The following FBXO42 variants were observed in gnomAD, a reference collection of about 807,000 sequenced individuals.
FBXO42 encodes F-box protein 42, also known as F-box only protein 42.
Under a neutral mutation model 71.7 loss-of-function variants are expected in FBXO42, and 12 were observed. That is an observed-to-expected ratio of 0.17 (90% CI 0.11 to 0.27). The LOEUF (loss-of-function observed/expected upper bound fraction) is 0.27, where lower values mean the gene tolerates loss of function less well. FBXO42 is among the 10% of genes least tolerant of loss of function. The pLI, the probability that FBXO42 is intolerant of heterozygous loss-of-function variation, is 1.00. For missense variants in FBXO42, 707 were observed against 911.9 expected, an observed-to-expected ratio of 0.78 and a Z score of 2.89; for synonymous variants, 325 against 327.5, an observed-to-expected ratio of 0.99 and a Z score of 0.08.
chr1:16,338,269 A>G (rs898896624), intron 1 of FBXO42, among the ~76,000 whole-genome samples: 4 of 150,522 alleles, frequency 2.7e-5, no homozygotes, highest in Non-Finnish European at 5.9e-5. Context: ...TCAAAAAAAA[A>G]GAGGGAGGAT....
chr1:16,340,525 G>C (rs2082592864), intron 1 of FBXO42, among the ~76,000 whole-genome samples: 1 of 151,946 alleles, frequency 6.6e-6, no homozygotes, highest in African/African-American at 2.4e-5. Flanking sequence ...CACCATGTTG[G>C]CCAGGCTGGT....
chr1:16,303,811 T>C (rs557252215), intron 3 of FBXO42, among the ~76,000 whole-genome samples: 1 of 152,252 alleles, frequency 6.6e-6, no homozygotes, highest in East Asian at 1.9e-4. Flanking sequence ...AGTGGCGTGA[T>C]CTCGGCTCAC....
At chr1:16,270,708 A>AAAAAAG (rs1553150226) in intron 4 of FBXO42, among the ~76,000 whole-genome samples, 4 of 85,108 alleles carry the variant, frequency 4.7e-5, no homozygotes, top group Non-Finnish European at 6.6e-5. Flanking sequence ...AAAAGAAAAG[A>AAAAAAG]AAGAAGAAAA....
intron 4 of FBXO42, among the ~76,000 whole-genome samples, chr1:16,270,116 A>T (rs1423625252): frequency 6.6e-6 from 1 of 152,026 alleles, no homozygotes; most frequent in South Asian, 2.1e-4. Flanking sequence ...AAGGCCTCCC[A>T]AGGTGCTGGG....
intron 4 of FBXO42, chr1:16,293,077 C>T (rs2082096142): frequency 6.6e-6 from 1 of 152,218 alleles, no homozygotes; most frequent in Non-Finnish European, 1.5e-5. Flanking sequence ...GGTTATTCTC[C>T]AAAGTACAAA....
chr1:16,268,722 G>A (rs1489483449), intron 4 of FBXO42, among the ~76,000 whole-genome samples: 1 of 152,118 alleles, frequency 6.6e-6, no homozygotes, highest in Non-Finnish European at 1.5e-5. Flanking sequence ...CCAGCACTTT[G>A]GGAGGTCGAG....
At chr1:16,290,373 C>T (rs1260306233) in intron 4 of FBXO42, among the ~76,000 whole-genome samples, 1 of 152,078 alleles carries the variant, frequency 6.6e-6, no homozygotes, top group Non-Finnish European at 1.5e-5. Context: ...ATGAGGGTAG[C>T]CCTCATAAGA....
At chr1:16,266,730 G>A (rs1242731691) in intron 4 of FBXO42, among the ~76,000 whole-genome samples, 1 of 152,160 alleles carries the variant, frequency 6.6e-6, no homozygotes, top group Non-Finnish European at 1.5e-5. Context: ...CTAAGCATCT[G>A]GCTTGATAAA....
intron 2 of FBXO42, among the ~76,000 whole-genome samples, chr1:16,314,246 G>A (rs1024936409): frequency 6.6e-6 from 1 of 152,104 alleles, no homozygotes; most frequent in Non-Finnish European, 1.5e-5. Context: ...CACCACACCC[G>A]GCCAAGAAAC....
intron 4 of FBXO42, among the ~76,000 whole-genome samples, chr1:16,269,545 G>A (rs916337996): frequency 1.3e-5 from 2 of 151,956 alleles, no homozygotes; most frequent in African/African-American, 4.8e-5. Flanking sequence ...GTTTATTTGA[G>A]ACAGAGTTTC....
At position 16,315,354 on chromosome 1, in the gene FBXO42, A is replaced by C. The variant is rs1252977418; in HGVS notation, c.65T>G (p.Leu22Arg). ...FMAVDQEETV[L>R]EGTMDQDEEP... ...CTCATCTTGATCCATTGTCCCTTCC[A>C]GCACAGTTTCTTCCTGGTCCACAGC... The change falls in exon 2 of 10, where the codon CTG becomes CGG. Residue 22 changes from leucine to arginine, a missense_variant. Leu to Arg is a moderately radical substitution (Grantham distance 102, BLOSUM62 -2). This residue lies in a region of FBXO42 where 188 missense variants were observed against 230.5 expected (regional missense o/e 0.82). Transcript: ENST00000375592. 1.2e-6 allele frequency: 2 copies of C among 1,614,060 alleles called. No homozygotes were observed. Among genetic ancestry groups the C allele is most frequent in the African/African-American group, 1.3e-5 (1 of 74,922 alleles).
At chr1:16,317,510 C>T (rs1386521967) in intron 1 of FBXO42, among the ~76,000 whole-genome samples, 1 of 151,988 alleles carries the variant, frequency 6.6e-6, no homozygotes, top group Admixed American at 6.6e-5. Flanking sequence ...GCAGGAGAAT[C>T]ACTTGAACCT....
chr1:16,323,373 G>A (rs1339526807), intron 1 of FBXO42, among the ~76,000 whole-genome samples: 3 of 152,012 alleles, frequency 2.0e-5, no homozygotes, highest in South Asian at 2.1e-4. Context: ...AGCCAAGATC[G>A]TGCCACTGTA....
At chr1:16,281,649 T>C (rs1297134285) in intron 4 of FBXO42, among the ~76,000 whole-genome samples, 3 of 150,984 alleles carry the variant, frequency 2.0e-5, no homozygotes, top group Admixed American at 6.6e-5. Flanking sequence ...TCTTTTTTTC[T>C]TTTTCTTTTT....
intron 8 of FBXO42, 28 bp downstream of exon 8, chr1:16,253,068 A>G (rs368158198): frequency 5.6e-6 from 9 of 1,607,530 alleles, no homozygotes; most frequent in African/African-American, 2.7e-5. Context: ...TAGCATGCAC[A>G]TGGGAATGCC....
intron 4 of FBXO42, among the ~76,000 whole-genome samples, chr1:16,283,142 T>C (rs1475818950): frequency 1.3e-5 from 2 of 152,160 alleles, no homozygotes; most frequent in Non-Finnish European, 2.9e-5. Context: ...TTTTGTCTCT[T>C]CTTCTTTTTA....
chr1:16,350,756 A>G lies in FBXO42; in HGVS notation c.-18+1499T>C, dbSNP rs866922907. Among the ~76,000 whole-genome samples, 155 of 128,368 alleles carry G rather than the reference A, an allele frequency of 1.2e-3. 8 individuals are homozygous for G. The highest frequency in any genetic ancestry group is 1.9e-3 in the Non-Finnish European group (108 of 57,284). The allele number at this position is 128,368 out of a possible 152,430, so 84.2% of individuals were successfully genotyped here. On this transcript the variant is annotated intron_variant, in intron 1 of 9. Coordinates refer to ENST00000375592, the MANE Select transcript of FBXO42 (RefSeq NM_018994.3). ...AGTGAGAAACTGCAAAAAAAAAAAA[A>G]AAAAGAAAGAAAGAAAGAAAGAAAG...
chr1:16,327,733 C>T (rs376874391), intron 1 of FBXO42, among the ~76,000 whole-genome samples: 12 of 152,296 alleles, frequency 7.9e-5, no homozygotes, highest in South Asian at 2.1e-4. Flanking sequence ...GACGGAGTCT[C>T]GCTCTGTTGC....
chr1:16,276,644 A>G (rs1401156638), intron 4 of FBXO42, among the ~76,000 whole-genome samples: 1 of 152,246 alleles, frequency 6.6e-6, no homozygotes, highest in East Asian at 1.9e-4. Flanking sequence ...GTTAATCTAT[A>G]TAGCATTGGA....
Sources: allele counts gnomAD v4.1 joint callset (sites outside exome capture counted in the v4.1 genomes callset), GRCh38; gene constraint gnomAD v4.1.1; regional missense constraint gnomAD v4.1.1; transcripts MANE v1.5; gene names NCBI Gene and HGNC (gene_info 2026-07-23, HGNC 2026-07-21).